GRIN2B: variants seen among roughly 807,000 people sequenced by gnomAD.
The protein encoded by GRIN2B is glutamate ionotropic receptor NMDA type subunit 2B.
A neutral mutation model predicts 114.5 loss-of-function variants in GRIN2B; 5 were observed. The observed-to-expected ratio is 0.04, with a 90% CI of 0.02 to 0.09. The LOEUF (loss-of-function observed/expected upper bound fraction) is 0.09. Ranked by LOEUF, GRIN2B falls within the 10% of genes least tolerant of loss-of-function variation. GRIN2B has a pLI of 1.00. For synonymous variants in GRIN2B, 787 were observed against 745.1 expected, an observed-to-expected ratio of 1.06 and a Z score of -0.92; for missense variants, 1,108 against 1,943.5, an observed-to-expected ratio of 0.57 and a Z score of 8.08.
Position 13,616,613 on chromosome 12 carries a change from C to T in GRIN2B, c.1170G>A (p.Val390=). 6.2e-7 allele frequency: 1 copy of T among 1,614,100 alleles called. No individual in the cohort carries two copies. The highest frequency in any genetic ancestry group is 8.5e-7 in the Non-Finnish European group (1 of 1,179,942). The change falls in exon 6 of 14, where the codon GTG becomes GTA. Residue 390 remains valine, a synonymous_variant. Transcript: ENST00000609686. ...CAGTCTCTGGACACATTCGGGGCCA[C>T]ACATAGTACTTCATCTGCAGGGACT... The part of the protein sequence containing the change: ...KDKSLQMKYY[V]WPRMCPETEE...
At chr12:13,906,687 A>T (rs1866540520) in intron 2 of GRIN2B, among the ~76,000 whole-genome samples, 1 of 152,240 alleles carries the variant, frequency 6.6e-6, no homozygotes, top group Non-Finnish European at 1.5e-5. Context: ...ATTAATGAAC[A>T]TGATGACAAT....
intron 2 of GRIN2B, among the ~76,000 whole-genome samples, chr12:13,872,188 A>G (rs1476262906): frequency 2.0e-5 from 3 of 152,232 alleles, no homozygotes; most frequent in African/African-American, 7.2e-5. Flanking sequence ...ACTTATGGAC[A>G]TAAAGGAAAA....
At chr12:13,625,802 C>T (rs1949559092) in intron 5 of GRIN2B, among the ~76,000 whole-genome samples, 1 of 152,176 alleles carries the variant, frequency 6.6e-6, no homozygotes, top group Non-Finnish European at 1.5e-5. Flanking sequence ...TGCCAGTACC[C>T]TTCTGAATTT....
Position 13,551,011 on chromosome 12 carries a change from G to A in GRIN2B, c.*11772C>T, listed in dbSNP as rs957617821. On this transcript the variant is annotated 3_prime_UTR_variant, in exon 14 of 14. Coordinates refer to ENST00000609686, the MANE Select transcript of GRIN2B (RefSeq NM_000834.5). ...CTAAATGCATTTATATCAAAGAAAG[G>A]GTGATTTTACTACTTCATGTTTTTC... 1.3e-5 allele frequency: 2 copies of A among 148,164 alleles called. No individual in the cohort carries two copies. Among genetic ancestry groups the A allele is most frequent in the African/African-American group, 2.5e-5 (1 of 40,524 alleles). The allele number at this position is 148,164 out of a possible 1,614,324, so 9.2% of individuals were successfully genotyped here. A position where few individuals can be genotyped will look rare whatever the true frequency, so the allele number is the denominator to read the frequency against.
At chr12:13,782,271 G>C (rs770191851) in intron 3 of GRIN2B, among the ~76,000 whole-genome samples, 2 of 151,790 alleles carry the variant, frequency 1.3e-5, no homozygotes, top group Non-Finnish European at 2.9e-5. Context: ...AAAAAAGGTG[G>C]CCACTCAGAA....
chr12:13,623,041 A>G (rs1233212970), intron 5 of GRIN2B, among the ~76,000 whole-genome samples: 1 of 152,210 alleles, frequency 6.6e-6, no homozygotes, highest in Non-Finnish European at 1.5e-5. Flanking sequence ...ATACATCTAC[A>G]TATATACAAA....
intron 10 of GRIN2B, among the ~76,000 whole-genome samples, chr12:13,607,194 AAT>A (rs1483882938): frequency 1.7e-5 from 2 of 116,032 alleles, no homozygotes; most frequent in Non-Finnish European, 3.3e-5. Context: ...ATATATAAAA[AAT>A]ATATATAATA....
intron 2 of GRIN2B, among the ~76,000 whole-genome samples, chr12:13,931,182 T>C (rs1260319810): frequency 6.6e-6 from 1 of 152,222 alleles, no homozygotes; most frequent in Non-Finnish European, 1.5e-5. Flanking sequence ...CAGTGGCATT[T>C]ATTTCCTAAT....
intron 2 of GRIN2B, among the ~76,000 whole-genome samples, chr12:13,907,679 T>C (rs984742093): frequency 2.0e-5 from 3 of 152,210 alleles, no homozygotes; most frequent in African/African-American, 7.2e-5. Context: ...AAATGTTTTA[T>C]ATTTTTATCT....
intron 3 of GRIN2B, among the ~76,000 whole-genome samples, chr12:13,765,640 T>A (rs1402317248): frequency 6.6e-6 from 1 of 152,222 alleles, no homozygotes; most frequent in African/African-American, 2.4e-5. Context: ...TTCTTATAGT[T>A]CTTATGACAA....
At chr12:13,754,675 A>G (rs1007921085) in intron 3 of GRIN2B, among the ~76,000 whole-genome samples, 1 of 152,246 alleles carries the variant, frequency 6.6e-6, no homozygotes, top group East Asian at 1.9e-4. Context: ...CTCAAACAGT[A>G]TGTCTAAGCT....
At position 13,547,981 on chromosome 12, in the gene GRIN2B, A is replaced by ATATTTTTTTTTTTT; in HGVS notation, c.*14801_*14802insAAAAAAAAAAAATA. ...TGTGTATATATATATATATATATAT[A>ATATTTTTTTTTTTT]TTTTTTTTTTTTTTCTGAAAGCTAC... On this transcript the variant is annotated 3_prime_UTR_variant, in exon 14 of 14. Coordinates refer to ENST00000609686, the MANE Select transcript of GRIN2B (RefSeq NM_000834.5). 11 of 68,578 alleles carry ATATTTTTTTTTTTT rather than the reference A, an allele frequency of 1.6e-4. No individual in the cohort carries two copies. Among genetic ancestry groups the ATATTTTTTTTTTTT allele is most frequent in the Admixed American group, 3.9e-4 (2 of 5,178 alleles). 4.2% of individuals were successfully genotyped at this position (68,578 alleles called of 1,614,324 possible).
chr12:13,701,330 A>G (rs1426582302), intron 4 of GRIN2B, among the ~76,000 whole-genome samples: 2 of 152,134 alleles, frequency 1.3e-5, no homozygotes, highest in Non-Finnish European at 2.9e-5. Flanking sequence ...TAAGAAACTT[A>G]TGAAATTGAG....
At chr12:13,881,013 T>C (rs552204749) in intron 2 of GRIN2B, among the ~76,000 whole-genome samples, 3,673 of 120,354 alleles carry the variant, frequency 0.031, 76 homozygotes, top group Middle Eastern at 0.072. Flanking sequence ...TGTGTGTGTG[T>C]GCGCGTGCGC....
chr12:13,738,608 C>T (rs972665972), intron 4 of GRIN2B, among the ~76,000 whole-genome samples: 3 of 152,068 alleles, frequency 2.0e-5, no homozygotes, highest in Non-Finnish European at 4.4e-5. Flanking sequence ...TTCATAGCAC[C>T]AGTGGAAATC....
chr12:13,567,520 C>T (rs529156698), intron 12 of GRIN2B, among the ~76,000 whole-genome samples: 1 of 152,144 alleles, frequency 6.6e-6, no homozygotes, highest in African/African-American at 2.4e-5. Context: ...ACACATGAGA[C>T]GTTGCTCCCG....
At chr12:13,727,728 G>A (rs1296602809) in intron 4 of GRIN2B, among the ~76,000 whole-genome samples, 1 of 152,170 alleles carries the variant, frequency 6.6e-6, no homozygotes, top group Non-Finnish European at 1.5e-5. Context: ...AAGGTGGGAG[G>A]ACCTGATGCT....
At position 13,588,332 on chromosome 12, in the gene GRIN2B, T is replaced by C. The variant is rs991086661; in HGVS notation, c.2011-16368A>G. ...GCAGGTGAGATACTTAGTGAAAGGATAGACATGACCAGTTGTTGGGAGTGT... is the reference window on the plus strand; with the variant it reads ...GCAGGTGAGATACTTAGTGAAAGGACAGACATGACCAGTTGTTGGGAGTGT... On this transcript the variant is annotated intron_variant, in intron 10 of 13. Transcript: ENST00000609686. Among the ~76,000 whole-genome samples, 7 of 152,188 alleles carry C rather than the reference T, an allele frequency of 4.6e-5. No homozygotes were observed. In the East Asian group the frequency reaches 1.3e-3, roughly 29 times the overall value.
chr12:13,568,758 G>T (rs1346728916), intron 12 of GRIN2B, among the ~76,000 whole-genome samples: 1 of 152,176 alleles, frequency 6.6e-6, no homozygotes, highest in Non-Finnish European at 1.5e-5. Context: ...TTTCTGTAAT[G>T]CTAACAGAAA....
Sources: gnomAD v4.1 joint callset for allele counts (sites outside exome capture counted in the v4.1 genomes callset) on GRCh38, gnomAD v4.1.1 for gene constraint, MANE v1.5 for transcripts, NCBI Gene and HGNC (gene_info 2026-07-23, HGNC 2026-07-21) for gene names.